The following TRHDE variants were observed in gnomAD, a reference collection of about 807,000 sequenced individuals.
TRHDE encodes the protein thyrotropin-releasing hormone-degrading ectoenzyme.
Under a neutral mutation model 125.7 loss-of-function variants are expected in TRHDE, and 72 were observed. That is an observed-to-expected ratio of 0.57 (90% CI 0.47 to 0.70). The LOEUF is 0.70. Among genes scored for constraint, TRHDE ranks in the 30% least tolerant of loss-of-function variants. TRHDE has a pLI of 0.00. For synonymous variants in TRHDE, 509 were observed against 509.1 expected, an observed-to-expected ratio of 1.00 and a Z score of 0.00; for missense variants, 1,110 against 1,327.1, an observed-to-expected ratio of 0.84 and a Z score of 2.54.
intron 2 of TRHDE, among the ~76,000 whole-genome samples, chr12:72,364,977 A>G (rs1272997853): frequency 6.6e-6 from 1 of 152,106 alleles, no homozygotes; most frequent in East Asian, 1.9e-4. Context: ...TCAATTTTCT[A>G]CAAAAGAGGT....
At chr12:72,231,014 G>C (rs1878235939) in intron 2 of TRHDE, among the ~76,000 whole-genome samples, 1 of 152,134 alleles carries the variant, frequency 6.6e-6, no homozygotes, top group South Asian at 2.1e-4. Flanking sequence ...AAATGATGTT[G>C]TCATTTTGGA....
rs575746389 is a variant in TRHDE at position 72,117,321 on chromosome 12, T to G, written n.279+11569T>G. On this transcript the variant is annotated intron_variant and non_coding_transcript_variant, in intron 2 of 4. Coordinates refer to the TRHDE transcript ENST00000548156. ...AATATCCAGTTTTCCCAGTACCATT[T>G]ATTGAAGAGGCTGCCCTTTCTCTGA... Among the ~76,000 whole-genome samples, 210 of 152,294 alleles carry G rather than the reference T, an allele frequency of 1.4e-3. 1 individual carries two copies. Among genetic ancestry groups the G allele is most frequent in the African/African-American group, 4.6e-3 (192 of 41,566 alleles).
At chr12:72,544,595 T>C (rs1869320689) in intron 7 of TRHDE, among the ~76,000 whole-genome samples, 1 of 151,418 alleles carries the variant, frequency 6.6e-6, no homozygotes, top group African/African-American at 2.4e-5. Context: ...TTTCTTCTTT[T>C]TTTCTGGACT....
chr12:72,400,001 C>A (rs944861253), intron 3 of TRHDE, among the ~76,000 whole-genome samples: 9 of 152,066 alleles, frequency 5.9e-5, no homozygotes, highest in African/African-American at 2.2e-4. Context: ...GGGCAAAAAT[C>A]TCTCTGGACC....
chr12:72,426,582 T>C (rs1874192823), intron 3 of TRHDE, among the ~76,000 whole-genome samples: 1 of 152,108 alleles, frequency 6.6e-6, no homozygotes, highest in African/African-American at 2.4e-5. Flanking sequence ...AGACTAGAAA[T>C]AGTAGGTTAC....
intron 2 of TRHDE, among the ~76,000 whole-genome samples, chr12:72,307,302 T>G (rs946051203): frequency 2.0e-5 from 3 of 151,806 alleles, no homozygotes; most frequent in Non-Finnish European, 4.4e-5. Context: ...GTAGCCAGGA[T>G]TACAGGCATG....
At chr12:72,485,686 C>T (rs548559316) in intron 5 of TRHDE, among the ~76,000 whole-genome samples, 1 of 152,260 alleles carries the variant, frequency 6.6e-6, no homozygotes, top group South Asian at 2.1e-4. Context: ...GGAGTCCTGC[C>T]CCATACAAAG....
intron 2 of TRHDE, among the ~76,000 whole-genome samples, chr12:72,223,895 A>G (rs1878048903): frequency 1.3e-5 from 2 of 151,946 alleles, no homozygotes; most frequent in Non-Finnish European, 2.9e-5. Context: ...ATCCTTGCTA[A>G]GAAAGGGAAC....
At chr12:72,492,908 ACTT>A in intron 5 of TRHDE, among the ~76,000 whole-genome samples, 1 of 152,002 alleles carries the variant, frequency 6.6e-6, no homozygotes, top group Non-Finnish European at 1.5e-5. Context: ...CATTCTCTCT[ACTT>A]TCTACTCCCA....
chr12:72,280,244 T>C (rs1879646869), intron 1 of TRHDE, among the ~76,000 whole-genome samples: 1 of 152,194 alleles, frequency 6.6e-6, no homozygotes, highest in Admixed American at 6.5e-5. Flanking sequence ...GATATTCTAT[T>C]GTACAGGGTT....
chr12:72,324,747 T>C (rs921919112), intron 2 of TRHDE, among the ~76,000 whole-genome samples: 1 of 152,154 alleles, frequency 6.6e-6, no homozygotes, highest in African/African-American at 2.4e-5. Flanking sequence ...AACAGTAAAT[T>C]ATTTTCCCTT....
chr12:72,621,884 C>T (rs1873068506), intron 15 of TRHDE, 133 bp downstream of exon 15: 14 of 642,148 alleles, frequency 2.2e-5, no homozygotes, highest in Non-Finnish European at 3.4e-5. Context: ...CATTTTGTGT[C>T]AGGTTCACAG....
intron 3 of TRHDE, among the ~76,000 whole-genome samples, chr12:72,433,270 A>C (rs960870496): frequency 6.6e-6 from 1 of 151,994 alleles, no homozygotes; most frequent in Non-Finnish European, 1.5e-5. Context: ...TTTCTTCTGA[A>C]GTATTGTCTG....
At chr12:72,153,151 C>A (rs1197478399) in intron 2 of TRHDE, among the ~76,000 whole-genome samples, 1 of 152,128 alleles carries the variant, frequency 6.6e-6, no homozygotes. Context: ...AGGAACTTAT[C>A]CATTTCTTCT....
intron 13 of TRHDE, among the ~76,000 whole-genome samples, chr12:72,619,285 A>G (rs1290457160): frequency 2.0e-5 from 3 of 152,184 alleles, no homozygotes; most frequent in Admixed American, 1.3e-4. Context: ...AGAAATATAC[A>G]TGGCAAATTT....
intron 2 of TRHDE, among the ~76,000 whole-genome samples, chr12:72,189,293 T>G (rs1877290646): frequency 1.3e-5 from 2 of 152,164 alleles, no homozygotes; most frequent in South Asian, 4.1e-4. Context: ...ATAGTAGGAT[T>G]TCAAACCTTA....
intron 2 of TRHDE, among the ~76,000 whole-genome samples, chr12:72,320,099 A>G (rs940888884): frequency 8.6e-5 from 13 of 152,030 alleles, no homozygotes; most frequent in Non-Finnish European, 1.8e-4. Context: ...CCCCTTACAC[A>G]TGATTTTCTC....
intron 2 of TRHDE, among the ~76,000 whole-genome samples, chr12:72,111,366 T>G (rs1875310613): frequency 6.6e-6 from 1 of 152,138 alleles, no homozygotes; most frequent in South Asian, 2.1e-4. Context: ...ACTCAGTTTC[T>G]CATACTATTT....
intron 2 of TRHDE, among the ~76,000 whole-genome samples, chr12:72,266,294 C>T: frequency 6.6e-6 from 1 of 151,746 alleles, no homozygotes; most frequent in Admixed American, 6.6e-5. Context: ...AGAGGTGAGG[C>T]ACCATTCAAA....
Sources: allele counts gnomAD v4.1 joint callset (sites outside exome capture counted in the v4.1 genomes callset), GRCh38; gene constraint gnomAD v4.1.1; transcripts MANE v1.5; gene names NCBI Gene and HGNC (gene_info 2026-07-23, HGNC 2026-07-21).